The following NCKAP5L variants were observed in gnomAD, a reference collection of about 807,000 sequenced individuals.
NCKAP5L encodes NCK associated protein 5 like, also known as nck-associated protein 5-like.
A neutral mutation model predicts 103.2 loss-of-function variants in NCKAP5L; 54 were observed. The ratio of observed to expected loss-of-function variants is 0.52; its 90% CI spans 0.42 to 0.66. The LOEUF (loss-of-function observed/expected upper bound fraction) is 0.66. NCKAP5L is among the 30% of genes least tolerant of loss of function. NCKAP5L has a pLI of 0.00. For synonymous variants in NCKAP5L, 762 were observed against 748.6 expected, an observed-to-expected ratio of 1.02 and a Z score of -0.29; for missense variants, 1,733 against 1,750.6, an observed-to-expected ratio of 0.99 and a Z score of 0.18.
chr12:49,819,398 C>T (rs1005641582), intron 1 of NCKAP5L, among the ~76,000 whole-genome samples: 3 of 151,988 alleles, frequency 2.0e-5, no homozygotes, highest in African/African-American at 7.3e-5. Context: ...CATGTTTATT[C>T]ATTGTAGTCA....
At chr12:49,828,085 C>T (rs931457405) in intron 1 of NCKAP5L, among the ~76,000 whole-genome samples, 2 of 6,980 alleles carry the variant, frequency 2.9e-4, no homozygotes, top group African/African-American at 1.2e-3. Context: ...GCGCGGGGGG[C>T]GGGAGGGGGT....
chr12:49,814,286 C>T (rs1946273791), intron 1 of NCKAP5L, among the ~76,000 whole-genome samples: 1 of 150,376 alleles, frequency 6.6e-6, no homozygotes, highest in African/African-American at 2.4e-5. Flanking sequence ...AGTTCGAGAC[C>T]AGCCTGGCCA....
chr12:49,819,204 T>C (rs1411736542), intron 1 of NCKAP5L, among the ~76,000 whole-genome samples: 1 of 151,146 alleles, frequency 6.6e-6, no homozygotes, highest in East Asian at 1.9e-4. Flanking sequence ...CCCAGCTACC[T>C]GGGAGGCCGA....
Position 49,828,330 on chromosome 12 carries a change from G to C in NCKAP5L, c.-107C>G, listed in dbSNP as rs1049321564. On this transcript the variant is annotated 5_prime_UTR_variant, in exon 1 of 13. Transcript: ENST00000335999. ...GTAGACCCAGAACTCACCGAAATCA[G>C]GTGTTGAGCTGGGCCAGGGCAGGCC... 1 of 152,242 alleles carries C rather than the reference G, an allele frequency of 6.6e-6. No homozygotes were observed. Among genetic ancestry groups the C allele is most frequent in the Non-Finnish European group, 1.5e-5 (1 of 68,094 alleles). The allele number at this position is 152,242 out of a possible 1,614,324, so 9.4% of individuals were successfully genotyped here.
At chr12:49,826,770 C>A (rs1258196711) in intron 1 of NCKAP5L, among the ~76,000 whole-genome samples, 1 of 152,132 alleles carries the variant, frequency 6.6e-6, no homozygotes, top group East Asian at 1.9e-4. Flanking sequence ...TTTATTGATA[C>A]CCGCTTGCTC....
chr12:49,823,536 G>A (rs1946384218), intron 1 of NCKAP5L, among the ~76,000 whole-genome samples: 1 of 152,102 alleles, frequency 6.6e-6, no homozygotes, highest in African/African-American at 2.4e-5. Flanking sequence ...CTACATGAGA[G>A]TGAGGAGACA....
At position 49,792,735 on chromosome 12, in the gene NCKAP5L, A is replaced by G. The variant is rs1945958210; in HGVS notation, c.3592T>C (p.Phe1198Leu). 5.6e-6 allele frequency: 9 copies of G among 1,609,898 alleles called. No individual in the cohort carries two copies. In the South Asian group the frequency reaches 8.8e-5, roughly 16 times the overall value. Reference protein sequence around the residue: ...VSGRHPSMPAFPALLPAAPGH... With the variant: ...VSGRHPSMPALPALLPAAPGH... ...GGAGCAGCGGGTAGCAGTGCAGGGA[A>G]GGCTGGCATGCTGGGGTGCCGCCCA... Residue 1198 changes from phenylalanine to leucine, a missense_variant, in exon 11 of 13, where the codon TTC (phenylalanine) becomes CTC (leucine). Coordinates refer to ENST00000335999, the MANE Select transcript of NCKAP5L (RefSeq NM_001037806.4). The surrounding 1 kb of genome is among the most constrained non-coding windows in gnomAD (Gnocchi z 4.5).
chr12:49,813,601 C>T (rs1039253905), intron 1 of NCKAP5L, among the ~76,000 whole-genome samples: 5 of 152,148 alleles, frequency 3.3e-5, no homozygotes, highest in Admixed American at 1.3e-4. Flanking sequence ...GATTTCAGCT[C>T]ACTGCCGCCT....
chr12:49,822,415 C>T (rs1003515280), intron 1 of NCKAP5L, among the ~76,000 whole-genome samples: 9 of 151,846 alleles, frequency 5.9e-5, no homozygotes, highest in Admixed American at 2.0e-4. Context: ...AGACATGCTA[C>T]GCTGTATTTT....
At chr12:49,813,922 C>A (rs1946268792) in intron 1 of NCKAP5L, among the ~76,000 whole-genome samples, 1 of 152,030 alleles carries the variant, frequency 6.6e-6, no homozygotes, top group South Asian at 2.1e-4. Flanking sequence ...GACTCCTAGG[C>A]TCAAGTGGTC....
rs1252244280 is a variant in NCKAP5L, at chr12:49,795,749, C to T, written c.2111G>A (p.Ser704Asn). 1.3e-6 allele frequency: 2 copies of T among 1,599,962 alleles called. No homozygotes were observed. Among genetic ancestry groups the T allele is most frequent in the Non-Finnish European group, 1.7e-6 (2 of 1,173,614 alleles). The change falls in exon 8 of 13, where the codon AGT becomes AAT. Residue 704 changes from serine (S) to asparagine (N), a missense_variant. Transcript: ENST00000335999. The part of the protein sequence containing the change: ...KTRGPGKSGE[S>N]AGDMVPSIHR... ...GATGGAGGGCACCATGTCTCCAGCA[C>T]TCTCCCCTGACTTCCCAGGTCCCCG...
rs1204176358 is a variant in NCKAP5L, at chr12:49,795,778, C to T, written c.2082G>A (p.Lys694=). Residue 694 remains lysine (K), a synonymous_variant, in exon 8 of 13, where the codon AAG becomes AAA. Transcript: ENST00000335999. ...CCCCTGACTTCCCAGGTCCCCGGGT[C>T]TTTTCGGTGCCAGGCCTGGCTGGCA... The part of the protein sequence containing the change: ...NGVPARPGTE[K]TRGPGKSGES... 6 of 1,585,316 alleles carry T rather than the reference C, an allele frequency of 3.8e-6. No individual in the cohort carries two copies. Among genetic ancestry groups the T allele is most frequent in the Non-Finnish European group, 5.1e-6 (6 of 1,166,140 alleles).
chr12:49,814,320 T>C (rs1324398792), intron 1 of NCKAP5L, among the ~76,000 whole-genome samples: 2 of 150,734 alleles, frequency 1.3e-5, no homozygotes, highest in African/African-American at 4.9e-5. Context: ...CCGTCTCTAC[T>C]AAAAATACAA....
intron 1 of NCKAP5L, among the ~76,000 whole-genome samples, chr12:49,815,120 G>A (rs1428277102): frequency 1.3e-5 from 2 of 152,158 alleles, no homozygotes; most frequent in African/African-American, 2.4e-5. Flanking sequence ...CTATTAATTG[G>A]TTTCTCCATT....
At chr12:49,827,164 C>T (rs562624837) in intron 1 of NCKAP5L, among the ~76,000 whole-genome samples, 1 of 152,274 alleles carries the variant, frequency 6.6e-6, no homozygotes, top group East Asian at 1.9e-4. Context: ...CCCGAAAGTA[C>T]TGACCACAAA....
At chr12:49,799,499 T>G (rs937101941) in intron 6 of NCKAP5L, among the ~76,000 whole-genome samples, 1 of 151,990 alleles carries the variant, frequency 6.6e-6, no homozygotes, top group African/African-American at 2.4e-5. Flanking sequence ...TTTTTTTTTG[T>G]ACAGATGGTG....
rs774795832 is a variant in NCKAP5L, at chr12:49,803,115, A to G, written c.174T>C (p.Tyr58=). 2 of 1,614,268 alleles carry G rather than the reference A, an allele frequency of 1.2e-6. No individual in the cohort carries two copies. Among genetic ancestry groups the G allele is most frequent in the Non-Finnish European group, 1.7e-6 (2 of 1,180,042 alleles). The part of the protein sequence containing the change: ...AQANENQRET[Y]ERCLDEVANH... Reference sequence around the variant, plus strand: ...CACAGACCTCGTCCAGACAGCGCTCATAAGTCTCCCGCTGGTTTTCGTTGG... The same window carrying G: ...CACAGACCTCGTCCAGACAGCGCTCGTAAGTCTCCCGCTGGTTTTCGTTGG... The change falls in exon 4 of 13, where the codon TAT becomes TAC. Residue 58 remains tyrosine (Y), a synonymous_variant. Transcript: ENST00000335999.
intron 5 of NCKAP5L, 119 bp from the exon 6 acceptor site, chr12:49,802,086 A>G: frequency 8.4e-7 from 1 of 1,192,872 alleles, no homozygotes; most frequent in Non-Finnish European, 1.2e-6. Context: ...CTGGGCACAC[A>G]CTTCCGCTGC....
rs776524596 is a variant in NCKAP5L at position 49,794,925 on chromosome 12, G to A, written c.2935C>T (p.Arg979Cys). 4.5e-6 allele frequency: 7 copies of A among 1,557,402 alleles called. No homozygotes were observed. Among genetic ancestry groups the A allele is most frequent in the African/African-American group, 4.1e-5 (3 of 72,740 alleles). Residue 979 changes from arginine to cysteine, a missense_variant, in exon 8 of 13, where the codon CGT (arginine) becomes TGT (cysteine). Arg to Cys is a radical substitution (Grantham distance 180). Transcript: ENST00000335999. ...GCCTTCTCCTCTTCCAGTGCCCGAC[G>A]CAGGTCTTCCGCCTTGGCCATCAGC... The part of the protein sequence containing the change: ...SKLMAKAEDL[R>C]RALEEEKAYL...
Sources: gnomAD v4.1 joint callset for allele counts (sites outside exome capture counted in the v4.1 genomes callset) on GRCh38, gnomAD v4.1.1 for gene constraint, Gnocchi (gnomAD v3.1) non-coding constraint, MANE v1.5 for transcripts, NCBI Gene and HGNC (gene_info 2026-07-23, HGNC 2026-07-21) for gene names.